ROS1: variants seen among roughly 807,000 people sequenced by gnomAD.
The protein encoded by ROS1 is ROS proto-oncogene 1, receptor tyrosine kinase, also known as proto-oncogene tyrosine-protein kinase ROS.
In ROS1, 263 loss-of-function variants were observed where a neutral mutation model predicts 273.5. That is an observed-to-expected ratio of 0.96 (90% CI 0.87 to 1.06). The LOEUF (loss-of-function observed/expected upper bound fraction) is 1.06, where lower values mean the gene tolerates loss of function less well. Among genes scored for constraint, ROS1 ranks in the 50% least tolerant of loss-of-function variants. The pLI, the probability that ROS1 is intolerant of heterozygous loss-of-function variation, is 0.00. For synonymous variants in ROS1, 1,008 were observed against 954.1 expected (o/e 1.06, Z -1.04); for missense variants, 2,833 against 2,751.1 (o/e 1.03, Z -0.67).
intron 26 of ROS1, among the ~76,000 whole-genome samples, chr6:117,355,025 T>C (rs961773746): frequency 2.6e-5 from 4 of 152,202 alleles, no homozygotes; most frequent in Non-Finnish European, 1.5e-5. Flanking sequence ...ACAGGATTCT[T>C]ACTTAAATCA....
At chr6:117,350,196 A>C (rs761464386) in intron 27 of ROS1, among the ~76,000 whole-genome samples, 7 of 151,912 alleles carry the variant, frequency 4.6e-5, no homozygotes, top group Non-Finnish European at 2.9e-5. Context: ...AAATTCTCTC[A>C]ATTTTTGTCT....
At chr6:117,391,782 G>A (rs940419776) in intron 12 of ROS1, among the ~76,000 whole-genome samples, 1 of 152,162 alleles carries the variant, frequency 6.6e-6, no homozygotes, top group Non-Finnish European at 1.5e-5. Context: ...TCGCAAAACA[G>A]CTGTATAATC....
chr6:117,310,322 C>T lies in ROS1; in HGVS notation c.6216-41G>A, dbSNP rs753474055. 49 of 1,387,982 alleles carry T rather than the reference C, an allele frequency of 3.5e-5. 2 individuals are homozygous for T. In the South Asian group the frequency reaches 6.5e-4, roughly 18 times the overall value. 86.0% of individuals were successfully genotyped at this position (1,387,982 alleles called of 1,614,324 possible). ...TATTTAATAATAATAATAATAACAA[C>T]AATAAAGTTCCAGAAATCAAAGAAG... On this transcript the variant is annotated intron_variant, in intron 40 of 43. Coordinates refer to ENST00000368507, the MANE Select transcript of ROS1 (RefSeq NM_001378902.1).
intron 21 of ROS1, 83 bp from the exon 22 acceptor site, chr6:117,362,948 G>A (rs2128655777): frequency 8.6e-7 from 1 of 1,165,308 alleles, no homozygotes; most frequent in Non-Finnish European, 1.2e-6. Flanking sequence ...TAATAAGATT[G>A]TAAACAACTT....
chr6:117,389,352 G>C lies in ROS1; in HGVS notation c.1784C>G (p.Ala595Gly), dbSNP rs747302749. The change falls in exon 13 of 44, where the codon GCC becomes GGC. Residue 595 changes from alanine to glycine, a missense_variant and splice_region_variant. Physicochemically the swap from Ala to Gly is moderately conservative, Grantham distance 60 (BLOSUM62 0). Transcript: ENST00000368507. ...CACACTGGGGACAGAGCACTCACTG[G>C]CTCCTATGGCAAGGGCAGGAGGCTT... is the stretch of plus-strand genomic sequence containing the variant. ...QWKPPALAIG[A>G]SPSAWQNWTY... is the part of the protein sequence containing the mutation. The C allele has an allele frequency of 1.4e-5, 23 of 1,611,288 alleles. No homozygotes were observed. The South Asian group carries it at 2.5e-4, about 18-fold the overall frequency.
chr6:117,361,561 T>C (rs1779805064), intron 22 of ROS1, among the ~76,000 whole-genome samples: 1 of 148,306 alleles, frequency 6.7e-6, no homozygotes. Flanking sequence ...ATTTATATTA[T>C]ATATTCTATA....
At chr6:117,326,126 T>G (rs1384730160) in intron 34 of ROS1, 98 bp downstream of exon 34, 22 of 308,792 alleles carry the variant, frequency 7.1e-5, no homozygotes, top group Non-Finnish European at 1.1e-4. Flanking sequence ...TATATATATA[T>G]AGTCACCATT....
At chr6:117,372,483 GA>G (rs1780888263) in intron 18 of ROS1, among the ~76,000 whole-genome samples, 1 of 152,202 alleles carries the variant, frequency 6.6e-6, no homozygotes, top group South Asian at 2.1e-4. Context: ...CTTCAAGAAT[GA>G]AACCACAGAC....
chr6:117,290,398 C>T (rs902337208), intron 43 of ROS1, among the ~76,000 whole-genome samples: 4 of 152,152 alleles, frequency 2.6e-5, no homozygotes, highest in African/African-American at 9.7e-5. Flanking sequence ...TTACAAGAGA[C>T]TGCGATAGTA....
In ROS1 at chr6:117,414,565, G is replaced by C; in HGVS notation, c.229-20C>G. The C allele has an allele frequency of 1.4e-6, 1 of 708,586 alleles. No individual in the cohort carries two copies. Among genetic ancestry groups the C allele is most frequent in the Non-Finnish European group, 2.5e-6 (1 of 397,076 alleles). The allele number at this position is 708,586 out of a possible 1,614,324, so 43.9% of individuals were successfully genotyped here. A position where few individuals can be genotyped will look rare whatever the true frequency, so the allele number is the denominator to read the frequency against. On this transcript the variant is annotated intron_variant, in intron 3 of 43. Transcript: ENST00000368507. Reference sequence around the variant, plus strand: ...ATCATTCTGCATAGAAAAAAAAAAAGACTACTTAAAATCTTGAAAGTTGTA... The same window carrying C: ...ATCATTCTGCATAGAAAAAAAAAAACACTACTTAAAATCTTGAAAGTTGTA...
chr6:117,418,943 AG>A (rs1195960100), intron 1 of ROS1, among the ~76,000 whole-genome samples: 1 of 152,214 alleles, frequency 6.6e-6, no homozygotes, highest in East Asian at 1.9e-4. Flanking sequence ...ACAAATTTTA[AG>A]AACTTTTTTA....
intron 43 of ROS1, among the ~76,000 whole-genome samples, chr6:117,295,148 A>T (rs1774127287): frequency 6.6e-6 from 1 of 152,126 alleles, no homozygotes; most frequent in Non-Finnish European, 1.5e-5. Flanking sequence ...GGAATACATA[A>T]AAAAGAACAG....
At chr6:117,298,575 C>G (rs140109171) in intron 43 of ROS1, among the ~76,000 whole-genome samples, 2 of 152,260 alleles carry the variant, frequency 1.3e-5, no homozygotes, top group Non-Finnish European at 2.9e-5. Context: ...CATGCTGGAG[C>G]AGATTAAAAT....
chr6:117,376,511 C>G (rs1455645959), intron 18 of ROS1, among the ~76,000 whole-genome samples: 1 of 152,010 alleles, frequency 6.6e-6, no homozygotes, highest in African/African-American at 2.4e-5. Context: ...ACTACTATAA[C>G]TCTTACTAAA....
intron 40 of ROS1, among the ~76,000 whole-genome samples, 190 bp downstream of exon 40, chr6:117,310,830 A>G (rs1421924221): frequency 1.3e-5 from 2 of 152,144 alleles, no homozygotes; most frequent in Non-Finnish European, 2.9e-5. Flanking sequence ...GCTATTGAAA[A>G]TAGTGATGCA....
At chr6:117,318,061 A>T in intron 38 of ROS1, 127 bp downstream of exon 38, 1 of 708,750 alleles carries the variant, frequency 1.4e-6, no homozygotes, top group Non-Finnish European at 2.5e-6. Context: ...ATGTAGTTCC[A>T]TTTAAACGTT....
At chr6:117,420,408 C>T (rs1303471136) in intron 1 of ROS1, among the ~76,000 whole-genome samples, 3 of 131,328 alleles carry the variant, frequency 2.3e-5, no homozygotes, top group Non-Finnish European at 4.7e-5. Flanking sequence ...TCATTCTTTA[C>T]TTCCTACCCT....
At chr6:117,339,627 A>T (rs1370991565) in intron 31 of ROS1, among the ~76,000 whole-genome samples, 3 of 152,150 alleles carry the variant, frequency 2.0e-5, no homozygotes, top group African/African-American at 7.2e-5. Flanking sequence ...ACTCATAGTT[A>T]GTATTTGTAG....
At chr6:117,400,579 G>C (rs557475733) in intron 7 of ROS1, among the ~76,000 whole-genome samples, 39 of 152,320 alleles carry the variant, frequency 2.6e-4, no homozygotes, top group Admixed American at 1.9e-3. Flanking sequence ...TAGCAGATAA[G>C]AAGCTTTTTG....
Sources: allele counts gnomAD v4.1 joint callset (sites outside exome capture counted in the v4.1 genomes callset), GRCh38; gene constraint gnomAD v4.1.1; transcripts MANE v1.5; gene names NCBI Gene and HGNC (gene_info 2026-07-23, HGNC 2026-07-21).